COL5A1: variants seen among roughly 807,000 people sequenced by gnomAD.
COL5A1 encodes the protein collagen type V alpha 1 chain.
Under a neutral mutation model 263.7 loss-of-function variants are expected in COL5A1, and 16 were observed. The ratio of observed to expected loss-of-function variants is 0.06; its 90% confidence interval spans 0.04 to 0.09. The LOEUF is 0.09. Ranked by LOEUF, COL5A1 falls within the 10% of genes least tolerant of loss-of-function variation. The pLI is 1.00. For synonymous variants in COL5A1, 1,012 were observed against 1,004.5 expected, an observed-to-expected ratio of 1.01 and a Z score of -0.14; for missense variants, 2,036 against 2,540.5, an observed-to-expected ratio of 0.80 and a Z score of 4.27.
At chr9:134,801,099 C>T (rs556347683) in intron 37 of COL5A1, among the ~76,000 whole-genome samples, 6 of 152,350 alleles carry the variant, frequency 3.9e-5, no homozygotes, top group African/African-American at 1.2e-4. Flanking sequence ...GTACAGAAGT[C>T]GTGGCGACAC....
At chr9:134,753,125 G>A (rs1835849381) in intron 14 of COL5A1, among the ~76,000 whole-genome samples, 3 of 151,988 alleles carry the variant, frequency 2.0e-5, no homozygotes, top group South Asian at 4.1e-4. Flanking sequence ...TGACTGCCTT[G>A]TGGAGCAGGG....
intron 1 of COL5A1, among the ~76,000 whole-genome samples, chr9:134,667,143 G>A (rs751511955): frequency 6.6e-6 from 1 of 152,210 alleles, no homozygotes; most frequent in Non-Finnish European, 1.5e-5. Flanking sequence ...GGATCTAGCT[G>A]CTTATGGTGA....
intron 2 of COL5A1, 95 bp downstream of exon 2, chr9:134,691,174 C>G (rs1035271513): frequency 6.6e-7 from 1 of 1,508,900 alleles, no homozygotes; most frequent in Non-Finnish European, 9.1e-7. Flanking sequence ...GTGGCAGAAG[C>G]GGGCTCAGCT....
intron 1 of COL5A1, among the ~76,000 whole-genome samples, chr9:134,668,900 AATCCATCC>A (rs1239981678): frequency 6.8e-6 from 1 of 146,694 alleles, no homozygotes; most frequent in East Asian, 2.0e-4. Context: ...TTCATCCATC[AATCCATCC>A]ATCCATCCTT....
At position 134,784,899 on chromosome 9, in the gene COL5A1, T is replaced by C. The variant is rs62571363; in HGVS notation, c.2485-90T>C. ...CTCTGACCACAGGGTGCCTGTGACC[T>C]GTCCCCTTGCTCCTTGCTCTCAGAA... On this transcript the variant is annotated intron_variant, in intron 29 of 65. Transcript: ENST00000371817. 23,789 of 1,098,832 alleles carry C rather than the reference T, an allele frequency of 0.022. 316 individuals are homozygous for C. Among genetic ancestry groups the C allele is most frequent in the African/African-American group, 0.028 (1,828 of 64,892 alleles). 68.1% of individuals were successfully genotyped at this position (1,098,832 alleles called of 1,614,324 possible).
In COL5A1 at chr9:134,818,585, G is replaced by A; in HGVS notation, c.4231-71G>A. The A allele has an allele frequency of 2.6e-6, 3 of 1,163,310 alleles. No homozygotes were observed. Among genetic ancestry groups the A allele is most frequent in the Non-Finnish European group, 3.8e-6 (3 of 792,790 alleles). 72.1% of individuals were successfully genotyped at this position (1,163,310 alleles called of 1,614,324 possible). ...CTCCAGAGGTGCCCAGGGTTTCCGA[G>A]CAGTGGTCCTGGGCCAGGGTGCCTG... is the stretch of plus-strand genomic sequence containing the variant. On this transcript the variant is annotated intron_variant, in intron 54 of 65. Coordinates refer to ENST00000371817, the MANE Select transcript of COL5A1 (RefSeq NM_000093.5). This position sits in a 1 kb window ranked among gnomAD's most constrained non-coding sequence, Gnocchi z 6.0.
chr9:134,683,535 T>A (rs1832922091), intron 1 of COL5A1, among the ~76,000 whole-genome samples: 1 of 152,202 alleles, frequency 6.6e-6, no homozygotes, highest in African/African-American at 2.4e-5. Context: ...TTGATCCAGC[T>A]ACTCAAACTG....
intron 20 of COL5A1, among the ~76,000 whole-genome samples, 199 bp downstream of exon 20, chr9:134,763,936 G>A (rs1369341726): frequency 1.3e-5 from 2 of 151,582 alleles, no homozygotes; most frequent in Non-Finnish European, 2.9e-5. Context: ...AACTCCAGGA[G>A]GAAGTCTGAG....
chr9:134,792,872 T>TG (rs1837762011), intron 32 of COL5A1, among the ~76,000 whole-genome samples: 3 of 33,178 alleles, frequency 9.0e-5, no homozygotes, highest in African/African-American at 2.7e-4. Flanking sequence ...TGTGCGCGCG[T>TG]TTGTGCACAC....
chr9:134,813,969 C>T lies in COL5A1; in HGVS notation c.3853-14C>T. 1 of 1,550,938 alleles carries T rather than the reference C, an allele frequency of 6.4e-7. No individual in the cohort carries two copies. The highest frequency in any genetic ancestry group is 8.7e-7 in the Non-Finnish European group (1 of 1,147,032). On this transcript the variant is annotated splice_polypyrimidine_tract_variant and intron_variant, in intron 48 of 65. Transcript: ENST00000371817. The stretch of plus-strand genomic sequence containing the variant: ...TGCTCACCGCTGCCATAACCACATG[C>T]ACTGTCTCCCTAGGGCGAGCCTGGC...
rs116283707 is a variant in COL5A1, at chr9:134,833,366, T to C, written c.5137-1605T>C. On this transcript the variant is annotated intron_variant, in intron 64 of 65. Coordinates refer to ENST00000371817, the MANE Select transcript of COL5A1 (RefSeq NM_000093.5). Reference sequence around the variant, plus strand: ...CCAGTCCTGGATACCCAGCTAGTGATGCTGGAGAGGCCACCTAAGAAGCTG... The same window carrying C: ...CCAGTCCTGGATACCCAGCTAGTGACGCTGGAGAGGCCACCTAAGAAGCTG... Among the ~76,000 whole-genome samples, 988 of 152,340 alleles carry C rather than the reference T, an allele frequency of 6.5e-3. 11 individuals are homozygous for C. The highest frequency in any genetic ancestry group is 0.022 in the African/African-American group (924 of 41,572).
At chr9:134,812,389 G>A (rs1838558244) in intron 46 of COL5A1, 60 bp from the exon 47 acceptor site, 6 of 1,548,348 alleles carry the variant, frequency 3.9e-6, no homozygotes, top group Non-Finnish European at 8.9e-7. Flanking sequence ...TGAAAGCTGT[G>A]TGTGTGTTTG....
chr9:134,761,246 A>G (rs535946614), intron 18 of COL5A1, among the ~76,000 whole-genome samples: 1 of 133,884 alleles, frequency 7.5e-6, no homozygotes, highest in Admixed American at 7.5e-5. Context: ...ACCCCCACAC[A>G]CTCCACCCAC....
At chr9:134,646,922 C>T (rs1831494985) in intron 1 of COL5A1, among the ~76,000 whole-genome samples, 1 of 152,208 alleles carries the variant, frequency 6.6e-6, no homozygotes, top group African/African-American at 2.4e-5. Context: ...TGCACCTCAG[C>T]TTCCCCTCGT....
At chr9:134,739,334 T>C (rs969793146) in intron 11 of COL5A1, among the ~76,000 whole-genome samples, 2 of 152,222 alleles carry the variant, frequency 1.3e-5, no homozygotes, top group African/African-American at 4.8e-5. Flanking sequence ...CTCCAAGTAC[T>C]GCGGCCTCCT....
chr9:134,745,136 G>C (rs1354340724), intron 11 of COL5A1, among the ~76,000 whole-genome samples: 1 of 152,228 alleles, frequency 6.6e-6, no homozygotes, highest in African/African-American at 2.4e-5. Context: ...GCCATACCAG[G>C]AGATCAGTGG....
intron 26 of COL5A1, among the ~76,000 whole-genome samples, chr9:134,773,639 G>C (rs1836946050): frequency 6.6e-6 from 1 of 152,222 alleles, no homozygotes; most frequent in Non-Finnish European, 1.5e-5. Flanking sequence ...AGCAGGGCCT[G>C]TGCAGGCAAG....
intron 4 of COL5A1, among the ~76,000 whole-genome samples, chr9:134,717,766 G>A (rs771914186): frequency 3.3e-5 from 5 of 152,198 alleles, no homozygotes; most frequent in Admixed American, 3.3e-4. Context: ...TTACCAGCAC[G>A]AAGTGCTCTG....
intron 1 of COL5A1, among the ~76,000 whole-genome samples, chr9:134,665,296 C>G (rs568628261): frequency 6.6e-6 from 1 of 152,192 alleles, no homozygotes; most frequent in Non-Finnish European, 1.5e-5. Context: ...TGTGGAGAAC[C>G]GCTGTGCAGC....
Sources: gnomAD v4.1 joint callset for allele counts (sites outside exome capture counted in the v4.1 genomes callset) on GRCh38, gnomAD v4.1.1 for gene constraint, Gnocchi (gnomAD v3.1) non-coding constraint, MANE v1.5 for transcripts, NCBI Gene and HGNC (gene_info 2026-07-23, HGNC 2026-07-21) for gene names.